Variants in REPS1 observed in about 807,000 individuals in gnomAD.
REPS1 encodes the protein RALBP1 associated Eps domain containing 1, also known as ralBP1-associated Eps domain-containing protein 1.
In REPS1, 39 loss-of-function variants were observed where a neutral mutation model predicts 100.9. The observed-to-expected ratio is 0.39, with a 90% CI of 0.30 to 0.50. REPS1 has a LOEUF of 0.50. Ranked by LOEUF, REPS1 falls within the 20% of genes least tolerant of loss-of-function variation. The probability of loss-of-function intolerance (pLI) is 0.86; values close to 1 mark genes in which losing one functional copy is unlikely to be tolerated. For missense variants in REPS1, 821 were observed against 968.5 expected, an observed-to-expected ratio of 0.85 and a Z score of 2.02; for synonymous variants, 324 against 340.3, an observed-to-expected ratio of 0.95 and a Z score of 0.53.
rs757009648 is a variant in REPS1, at chr6:138,912,952, T to C, written c.1786-2A>G. The C allele has an allele frequency of 6.2e-7, 1 of 1,611,758 alleles. No individual in the cohort carries two copies. On this transcript the variant is annotated splice_acceptor_variant, in intron 15 of 19. Transcript: ENST00000450536. LOFTEE classifies it high-confidence loss of function. ...GCGATGCACAGCAGGACCAGGAGCC[T>C]GTGCAATGGTTCAGAACAGAGGAAC...
At chr6:138,957,214 A>G (rs1451336205) in intron 1 of REPS1, among the ~76,000 whole-genome samples, 1 of 152,184 alleles carries the variant, frequency 6.6e-6, no homozygotes, top group Admixed American at 6.5e-5. Context: ...AAAAATTCCT[A>G]AACACATTAC....
chr6:138,943,480 C>A (rs1240387743), intron 7 of REPS1, 33 bp downstream of exon 7: 2 of 1,371,620 alleles, frequency 1.5e-6, no homozygotes, highest in South Asian at 1.2e-5. Context: ...TGGAAGCAAC[C>A]CAGTTACCCA....
chr6:138,932,378 A>C (rs1421681216), intron 8 of REPS1, among the ~76,000 whole-genome samples: 1 of 152,176 alleles, frequency 6.6e-6, no homozygotes, highest in Non-Finnish European at 1.5e-5. Context: ...TGCTTTTCCC[A>C]TGTTGACATT....
rs377338082 is a variant in REPS1 at position 138,976,250 on chromosome 6, C to T, written c.153+11280G>A. ...AAGGATATAGATATTTCTATTTCCA[C>T]GTACAACATTTTGCATAACCCATGG... On this transcript the variant is annotated intron_variant, in intron 1 of 19. Coordinates refer to ENST00000450536, the MANE Select transcript of REPS1 (RefSeq NM_001286611.2). Among the ~76,000 whole-genome samples, 243 of 152,230 alleles carry T rather than the reference C, an allele frequency of 1.6e-3. 4 individuals are homozygous for T. In the South Asian group the frequency reaches 0.03, roughly 19 times the overall value.
At chr6:138,974,921 T>C (rs1784516184) in intron 1 of REPS1, among the ~76,000 whole-genome samples, 1 of 151,662 alleles carries the variant, frequency 6.6e-6, no homozygotes, top group African/African-American at 2.4e-5. Context: ...GCCTGGGAGG[T>C]TGAGGCTGCA....
At chr6:138,960,172 C>G (rs1046131925) in intron 1 of REPS1, among the ~76,000 whole-genome samples, 4 of 152,028 alleles carry the variant, frequency 2.6e-5, no homozygotes, top group African/African-American at 7.2e-5. Flanking sequence ...AGAAACAAAC[C>G]CCCTTTTGGT....
rs1562502707 is a variant in REPS1 at position 138,904,094 on chromosome 6, T to C, written c.*970A>G. The C allele has an allele frequency of 6.6e-6, 1 of 152,226 alleles. No individual in the cohort carries two copies. Among genetic ancestry groups the C allele is most frequent in the Non-Finnish European group, 1.5e-5 (1 of 68,024 alleles). The allele number at this position is 152,226 out of a possible 1,614,324, so 9.4% of individuals were successfully genotyped here. A position where few individuals can be genotyped will look rare whatever the true frequency, so the allele number is the denominator to read the frequency against. On this transcript the variant is annotated 3_prime_UTR_variant, in exon 20 of 20. Coordinates refer to ENST00000450536, the MANE Select transcript of REPS1 (RefSeq NM_001286611.2). ...ATATATCCATGCAGTTTAAAATCTA[T>C]GATCCTATAGACAGAATAAATCTTA...
intron 1 of REPS1, among the ~76,000 whole-genome samples, chr6:138,960,268 T>G (rs1783653530): frequency 6.6e-6 from 1 of 152,198 alleles, no homozygotes; most frequent in Non-Finnish European, 1.5e-5. Context: ...TGTTGTAGAC[T>G]CTAGAGCAGT....
chr6:138,942,247 C>G (rs1351319083), intron 7 of REPS1, among the ~76,000 whole-genome samples: 2 of 152,156 alleles, frequency 1.3e-5, no homozygotes, highest in African/African-American at 2.4e-5. Flanking sequence ...TACAGACAAC[C>G]ACTTTTGTCT....
intron 10 of REPS1, among the ~76,000 whole-genome samples, chr6:138,921,331 T>TAA (rs564958834): frequency 7.0e-6 from 1 of 143,760 alleles, no homozygotes. Flanking sequence ...TCTGCTTAAT[T>TAA]AAAAAAAAAA....
chr6:138,953,393 G>A (rs1045687975), intron 1 of REPS1, among the ~76,000 whole-genome samples: 1 of 152,054 alleles, frequency 6.6e-6, no homozygotes, highest in Non-Finnish European at 1.5e-5. Context: ...GCAATCAACA[G>A]AGTAAAAGAC....
At chr6:138,941,038 T>C (rs1244057120) in intron 8 of REPS1, among the ~76,000 whole-genome samples, 1 of 152,122 alleles carries the variant, frequency 6.6e-6, no homozygotes, top group Non-Finnish European at 1.5e-5. Context: ...ACAATATATA[T>C]CACAATTAAA....
At chr6:138,965,354 C>T (rs894892852) in intron 1 of REPS1, among the ~76,000 whole-genome samples, 17 of 150,604 alleles carry the variant, frequency 1.1e-4, no homozygotes, top group South Asian at 2.1e-4. Context: ...ACAACAACAA[C>T]GACAAAAAGG....
In REPS1 at chr6:138,912,755, G is replaced by A. The variant is rs752578770; in HGVS notation, c.1971+10C>T. The A allele has an allele frequency of 2.5e-6, 4 of 1,613,948 alleles. No individual in the cohort carries two copies. Among genetic ancestry groups the A allele is most frequent in the East Asian group, 2.2e-5 (1 of 44,888 alleles). On this transcript the variant is annotated intron_variant, in intron 16 of 19. Transcript: ENST00000450536. ...CCTGCAGAAAATTAGCCAAGCCCTC[G>A]AAAACTGACCGGCAGGACTTCTGGA...
intron 1 of REPS1, among the ~76,000 whole-genome samples, chr6:138,966,745 C>T (rs994628952): frequency 7.9e-5 from 12 of 152,082 alleles, no homozygotes; most frequent in African/African-American, 2.9e-4. Flanking sequence ...GGCCGCAGAA[C>T]CAAGTTTTGA....
chr6:138,947,746 T>C (rs769358333), intron 2 of REPS1, 44 bp downstream of exon 2: 2 of 1,427,238 alleles, frequency 1.4e-6, no homozygotes, highest in African/African-American at 2.9e-5. Context: ...TCATTTGTAA[T>C]AGAAGCCTAT....
chr6:138,915,507 C>T (rs1780306907), intron 14 of REPS1, among the ~76,000 whole-genome samples: 1 of 149,254 alleles, frequency 6.7e-6, no homozygotes, highest in African/African-American at 2.5e-5. Context: ...GGCTGGAGTG[C>T]AGTGATGCAA....
At chr6:138,985,185 T>C (rs1344513918) in intron 1 of REPS1, among the ~76,000 whole-genome samples, 3 of 152,202 alleles carry the variant, frequency 2.0e-5, no homozygotes, top group Non-Finnish European at 4.4e-5. Context: ...TGATCACTTT[T>C]CTCTGCCTGG....
intron 1 of REPS1, among the ~76,000 whole-genome samples, chr6:138,951,963 T>C (rs941005724): frequency 2.0e-5 from 3 of 152,214 alleles, no homozygotes; most frequent in Admixed American, 6.5e-5. Flanking sequence ...TGGGAACCAC[T>C]TGAAATACCT....
Sources: gnomAD v4.1 joint callset for allele counts (sites outside exome capture counted in the v4.1 genomes callset) on GRCh38, gnomAD v4.1.1 for gene constraint, MANE v1.5 for transcripts, NCBI Gene and HGNC (gene_info 2026-07-23, HGNC 2026-07-21) for gene names.